NAA11: variants seen among roughly 807,000 people sequenced by gnomAD.
NAA11 encodes N-alpha-acetyltransferase 11.
In NAA11, 15 loss-of-function variants were observed where a neutral mutation model predicts 16.1. The ratio of observed to expected loss-of-function variants is 0.93; its 90% CI spans 0.62 to 1.44. NAA11 has a LOEUF of 1.44. Among genes scored for constraint, NAA11 ranks in the 40% most tolerant of loss-of-function variants. NAA11 has a pLI of 0.00. For synonymous variants in NAA11, 122 were observed against 112.4 expected, an observed-to-expected ratio of 1.09 and a Z score of -0.54; for missense variants, 298 against 291.3, an observed-to-expected ratio of 1.02 and a Z score of -0.17.
chr4:79,314,840 A>G (rs1452736743), downstream of NAA11, among the ~76,000 whole-genome samples: 1 of 152,066 alleles, frequency 6.6e-6, no homozygotes, highest in Non-Finnish European at 1.5e-5. Context: ...CAAAATTGTT[A>G]TATCAAAGCA....
chr4:79,312,519 C>T (rs1452806808), downstream of NAA11, among the ~76,000 whole-genome samples: 3 of 151,756 alleles, frequency 2.0e-5, no homozygotes, highest in Admixed American at 6.6e-5. Flanking sequence ...GGCGTCGTGG[C>T]ACATACCTGT....
Position 79,326,018 on chromosome 4 carries a change from G to GGGAAGGC in NAA11, c.-148_-142dup. On this transcript the variant is annotated 5_prime_UTR_variant, in exon 1 of 2. Coordinates refer to ENST00000286794, the MANE Select transcript of NAA11 (RefSeq NM_032693.3). ...CTGAATCGTGTGGAGGGCGGATGGCGGGAAGGCGGAAGGAGCAGGAGATGG... is the reference window on the plus strand; with the variant it reads ...CTGAATCGTGTGGAGGGCGGATGGCGGGAAGGCGGAAGGCGGAAGGAGCAGGAGATGG... 1.4e-6 allele frequency: 1 copy of GGGAAGGC among 693,366 alleles called. No homozygotes were observed. The highest frequency in any genetic ancestry group is 2.4e-6 in the Non-Finnish European group (1 of 409,108). The allele number at this position is 693,366 out of a possible 1,614,324, so 43.0% of individuals were successfully genotyped here.
chr4:79,166,515 C>T, the NAA11 span, among the ~76,000 whole-genome samples: 1 of 149,942 alleles, frequency 6.7e-6, no homozygotes, highest in Non-Finnish European at 1.5e-5. Flanking sequence ...CCATACCTGC[C>T]TATTACTTTT....
At chr4:79,198,651 C>T in the NAA11 span, among the ~76,000 whole-genome samples, 1 of 151,826 alleles carries the variant, frequency 6.6e-6, no homozygotes, top group Non-Finnish European at 1.5e-5. Flanking sequence ...CTAGAGAGAA[C>T]AGCGACATTT....
At chr4:79,314,641 T>TA (rs375245497), downstream of NAA11, among the ~76,000 whole-genome samples, 39,463 of 97,812 alleles carry the variant, frequency 0.4, 8,773 homozygotes, top group East Asian at 0.63. Context: ...TCCTTAAAAT[T>TA]AAAAAAAAAA....
intron 2 of NAA11, chr4:79,227,350 G>C (rs528473042): frequency 6.0e-4 from 91 of 152,102 alleles, no homozygotes; most frequent in African/African-American, 2.1e-3. Context: ...AGTGGGCAAA[G>C]GACATGAACA....
At chr4:79,309,624 T>C (rs1200968541) in intron 1 of NAA11, among the ~76,000 whole-genome samples, 2 of 152,068 alleles carry the variant, frequency 1.3e-5, no homozygotes, top group Non-Finnish European at 2.9e-5. Flanking sequence ...TACTTCACTA[T>C]TGGCATAAAA....
chr4:79,249,410 C>T (rs1721939602), intron 2 of NAA11, among the ~76,000 whole-genome samples: 1 of 152,150 alleles, frequency 6.6e-6, no homozygotes, highest in East Asian at 1.9e-4. Flanking sequence ...ATGACCATTA[C>T]AAGAAAGAAC....
chr4:79,169,595 A>AC, the NAA11 span, among the ~76,000 whole-genome samples: 1 of 166 alleles, frequency 6.0e-3, no homozygotes, highest in Non-Finnish European at 0.013. Context: ...TACCTTATAC[A>AC]AAATTAACTC....
At chr4:79,235,153 C>T (rs1287994107) in intron 2 of NAA11, among the ~76,000 whole-genome samples, 1 of 152,082 alleles carries the variant, frequency 6.6e-6, no homozygotes, top group South Asian at 2.1e-4. Context: ...AAGCCATGAG[C>T]AGGTTCCAAT....
At chr4:79,312,394 T>C (rs879650107), downstream of NAA11, among the ~76,000 whole-genome samples, 14 of 152,126 alleles carry the variant, frequency 9.2e-5, no homozygotes, top group Non-Finnish European at 2.1e-4. Flanking sequence ...CTCATGCCTG[T>C]AATCCCAGCA....
intron 1 of NAA11, among the ~76,000 whole-genome samples, chr4:79,303,626 T>C (rs965001691): frequency 5.3e-5 from 8 of 152,186 alleles, no homozygotes; most frequent in Admixed American, 5.2e-4. Flanking sequence ...AGATAAAACA[T>C]TTGGGCAACC....
intron 1 of NAA11, among the ~76,000 whole-genome samples, chr4:79,321,823 A>G (rs1724096702): frequency 6.6e-6 from 1 of 152,230 alleles, no homozygotes; most frequent in African/African-American, 2.4e-5. Context: ...CAACAAAAGT[A>G]TTTTTAAAAT....
intron 2 of NAA11, among the ~76,000 whole-genome samples, chr4:79,257,868 ATTTTAG>A (rs1722155812): frequency 2.0e-5 from 3 of 152,210 alleles, no homozygotes; most frequent in Non-Finnish European, 4.4e-5. Flanking sequence ...TTCTGTTAAA[ATTTTAG>A]TTTAATCTTA....
chr4:79,290,407 A>G (rs1156567814), intron 2 of NAA11, among the ~76,000 whole-genome samples: 1 of 152,196 alleles, frequency 6.6e-6, no homozygotes, highest in African/African-American at 2.4e-5. Flanking sequence ...CCAAAAGCAT[A>G]TGAGCCTCTG....
At chr4:79,322,735 A>G (rs1724135528) in intron 1 of NAA11, among the ~76,000 whole-genome samples, 1 of 152,146 alleles carries the variant, frequency 6.6e-6, no homozygotes, top group Non-Finnish European at 1.5e-5. Flanking sequence ...ACGCTTTCTC[A>G]AGGCATCAAG....
the NAA11 span, among the ~76,000 whole-genome samples, chr4:79,214,103 T>G: frequency 6.6e-6 from 1 of 152,190 alleles, no homozygotes; most frequent in African/African-American, 2.4e-5. Context: ...CAAATGCCCC[T>G]CTATGAGCCA....
At chr4:79,233,528 G>A (rs1014473625) in intron 2 of NAA11, among the ~76,000 whole-genome samples, 2 of 152,044 alleles carry the variant, frequency 1.3e-5, no homozygotes, top group East Asian at 3.9e-4. Context: ...GTAAACAGTT[G>A]AGGCTTTTCA....
intron 2 of NAA11, among the ~76,000 whole-genome samples, chr4:79,284,789 G>A (rs1578178381): frequency 1.7e-5 from 1 of 57,990 alleles, no homozygotes; most frequent in Non-Finnish European, 3.1e-5. Flanking sequence ...GGAGAATGGC[G>A]TGAACCCGGG....
Sources: gnomAD v4.1 joint callset for allele counts (sites outside exome capture counted in the v4.1 genomes callset) on GRCh38, gnomAD v4.1.1 for gene constraint, MANE v1.5 for transcripts, NCBI Gene and HGNC (gene_info 2026-07-23, HGNC 2026-07-21) for gene names.